ATAD2: variants seen among roughly 807,000 people sequenced by gnomAD.
ATAD2 encodes the protein ATPase family AAA domain containing 2.
Under a neutral mutation model 168.9 loss-of-function variants are expected in ATAD2, and 62 were observed. The ratio of observed to expected loss-of-function variants is 0.37; its 90% confidence interval spans 0.30 to 0.45. The LOEUF is 0.45. ATAD2 is among the 20% of genes least tolerant of loss of function. The pLI, the probability that ATAD2 is intolerant of heterozygous loss-of-function variation, is 1.00. For missense variants in ATAD2, 1,419 were observed against 1,667.8 expected (o/e 0.85, Z 2.60); for synonymous variants, 613 against 571.6 (o/e 1.07, Z -1.03).
intron 24 of ATAD2, among the ~76,000 whole-genome samples, chr8:123,333,366 C>T (rs577807595): frequency 4.8e-4 from 66 of 137,834 alleles, no homozygotes; most frequent in African/African-American, 1.7e-3. Context: ...GCCGAGATCG[C>T]ACCACTGCAC....
At position 123,369,903 on chromosome 8, in the gene ATAD2, TTCATCTTCA is replaced by T. The variant is rs768368419; in HGVS notation, c.840_848del (p.Asp280_Asp282del). ...TCTGATTCTCTTCTTCTCCATCTTC[TTCATCTTCA>T]TCATCTTCATCATCATCATCATCAT... On this transcript the variant is annotated inframe_deletion, in exon 7 of 28. Coordinates refer to ENST00000287394, the MANE Select transcript of ATAD2 (RefSeq NM_014109.4). The T allele has an allele frequency of 2.1e-4, 333 of 1,602,548 alleles. No individual in the cohort carries two copies. The highest frequency in any genetic ancestry group is 5.9e-4 in the South Asian group (54 of 90,834).
Position 123,359,652 on chromosome 8 carries a change from T to C in ATAD2, c.1191A>G (p.Leu397=). The change falls in exon 10 of 28, where the codon TTA becomes TTG. Residue 397 remains leucine (L), a synonymous_variant. Coordinates refer to ENST00000287394, the MANE Select transcript of ATAD2 (RefSeq NM_014109.4). The stretch of plus-strand genomic sequence containing the variant: ...TCATTCGATCTTTATAAATGCCTTT[T>C]AATTCATCTTTCCGAAAATTTAGTG... ...CLPLNFRKDE[L]KGIYKDRMKI... The C allele has an allele frequency of 6.2e-7, 1 of 1,613,136 alleles. No homozygotes were observed. The highest frequency in any genetic ancestry group is 8.5e-7 in the Non-Finnish European group (1 of 1,179,746).
intron 2 of ATAD2, among the ~76,000 whole-genome samples, chr8:123,375,212 GGA>G (rs1829269700): frequency 6.6e-6 from 1 of 152,166 alleles, no homozygotes; most frequent in African/African-American, 2.4e-5. Context: ...CTGAATGTAG[GGA>G]GAGGATTTTT....
chr8:123,329,746 C>CAAAAAAA (rs68104102), intron 24 of ATAD2, among the ~76,000 whole-genome samples: 1 of 84,386 alleles, frequency 1.2e-5, no homozygotes, highest in Non-Finnish European at 2.1e-5. Flanking sequence ...AACTCCGTCT[C>CAAAAAAA]AAAAAAAAAA....
At chr8:123,405,883 T>C (rs1813062305) in intron 1 of ATAD2, among the ~76,000 whole-genome samples, 1 of 152,224 alleles carries the variant, frequency 6.6e-6, no homozygotes, top group East Asian at 1.9e-4. Context: ...CTACATTGTA[T>C]CTGTAGAATA....
At chr8:123,380,200 C>T (rs1166023339) in intron 2 of ATAD2, among the ~76,000 whole-genome samples, 8 of 152,012 alleles carry the variant, frequency 5.3e-5, no homozygotes, top group African/African-American at 1.7e-4. Context: ...TACAGGCGCC[C>T]GCCACTACAC....
At chr8:123,415,571 A>G (rs181668130) in intron 1 of ATAD2, among the ~76,000 whole-genome samples, 4 of 151,712 alleles carry the variant, frequency 2.6e-5, no homozygotes, top group South Asian at 2.1e-4. Context: ...CCTGATATTA[A>G]TATCATTCAT....
intron 20 of ATAD2, among the ~76,000 whole-genome samples, chr8:123,338,527 C>T (rs1230690655): frequency 6.6e-6 from 1 of 151,824 alleles, no homozygotes; most frequent in African/African-American, 2.4e-5. Flanking sequence ...AATAGATATC[C>T]AATGAGTACT....
intron 25 of ATAD2, 112 bp from the exon 26 acceptor site, chr8:123,326,138 G>A: frequency 8.8e-7 from 1 of 1,133,946 alleles, no homozygotes; most frequent in South Asian, 1.6e-5. Context: ...GACATAAACA[G>A]CAATTCTGGC....
intron 8 of ATAD2, among the ~76,000 whole-genome samples, chr8:123,364,778 A>G (rs1237987362): frequency 6.6e-6 from 1 of 152,162 alleles, no homozygotes; most frequent in Non-Finnish European, 1.5e-5. Context: ...ACACACTTCA[A>G]TGTAATAAAA....
chr8:123,373,226 G>T (rs955507556), intron 2 of ATAD2, among the ~76,000 whole-genome samples: 17 of 141,618 alleles, frequency 1.2e-4, no homozygotes, highest in African/African-American at 2.1e-4. Flanking sequence ...GAGATGGGGC[G>T]GGGGGGGTCT....
intron 27 of ATAD2, among the ~76,000 whole-genome samples, chr8:123,322,534 T>C (rs1586851131): frequency 6.6e-6 from 1 of 152,154 alleles, no homozygotes; most frequent in East Asian, 1.9e-4. Flanking sequence ...CTGGGCATGA[T>C]GGCAGGTGCC....
upstream of ATAD2, chr8:123,401,249 C>A: frequency 1.0e-6 from 1 of 952,904 alleles, no homozygotes; most frequent in Middle Eastern, 2.7e-4. Context: ...ATTGCCCTCA[C>A]CGACCTGAAG....
Position 123,347,155 on chromosome 8 carries a change from A to C in ATAD2, c.2149T>G (p.Leu717Val), listed in dbSNP as rs765777230. Residue 717 changes from leucine (L) to valine (V), a missense_variant, in exon 16 of 28, where the codon TTA becomes GTA. By Grantham distance (32) the Leu-to-Val change is conservative. Transcript: ENST00000287394. ...GGAAATACTCTCTGCAGGGCTTCTAAAATCTTGTCAACAGTGTTTTGCAGG... is the reference window on the plus strand; with the variant it reads ...GGAAATACTCTCTGCAGGGCTTCTACAATCTTGTCAACAGTGTTTTGCAGG... ...PLLQNTVDKI[L>V]EALQRVFPHA... 1 of 1,614,212 alleles carries C rather than the reference A, an allele frequency of 6.2e-7. No homozygotes were observed. Among genetic ancestry groups the C allele is most frequent in the Non-Finnish European group, 8.5e-7 (1 of 1,180,036 alleles).
intron 24 of ATAD2, among the ~76,000 whole-genome samples, chr8:123,331,738 C>T (rs1295456555): frequency 6.6e-6 from 1 of 152,160 alleles, no homozygotes; most frequent in Non-Finnish European, 1.5e-5. Flanking sequence ...TGGTGTTACT[C>T]AAGATTTTTT....
At chr8:123,336,251 T>A in intron 22 of ATAD2, 122 bp downstream of exon 22, 1 of 852,880 alleles carries the variant, frequency 1.2e-6, no homozygotes, top group Non-Finnish European at 1.7e-6. Flanking sequence ...GTAAAATGGT[T>A]GTTGTGAGGA....
intron 19 of ATAD2, among the ~76,000 whole-genome samples, chr8:123,341,503 C>T (rs1485682001): frequency 6.6e-6 from 1 of 152,180 alleles, no homozygotes; most frequent in Non-Finnish European, 1.5e-5. Context: ...AATCAGAACA[C>T]TGCTAGAGTA....
Position 123,357,582 on chromosome 8 carries a change from G to A in ATAD2, c.1537C>T (p.Leu513=). Residue 513 remains leucine (L), a synonymous_variant, in exon 12 of 28, where the codon CTA becomes TTA. Coordinates refer to ENST00000287394, the MANE Select transcript of ATAD2 (RefSeq NM_014109.4). ...CATACCTGATCAAACAGCAATCGTA[G>A]CTGTCTTTCAGATTCTCCTACCCAT... ...SKWVGESERQ[L]RLLFDQAYQM... The A allele has an allele frequency of 6.2e-7, 1 of 1,613,112 alleles. No homozygotes were observed. Among genetic ancestry groups the A allele is most frequent in the Non-Finnish European group, 8.5e-7 (1 of 1,179,718 alleles).
chr8:123,369,903 T>TTCATCTTCATCATCTTCATCATCA lies in ATAD2; in HGVS notation c.825_848dup (p.Asp275_Asp282dup). On this transcript the variant is annotated inframe_insertion, in exon 7 of 28. Transcript: ENST00000287394. ...TCTGATTCTCTTCTTCTCCATCTTC[T>TTCATCTTCATCATCTTCATCATCA]TCATCTTCATCATCTTCATCATCAT... 2 of 1,602,558 alleles carry TTCATCTTCATCATCTTCATCATCA rather than the reference T, an allele frequency of 1.2e-6. No homozygotes were observed. The highest frequency in any genetic ancestry group is 1.7e-6 in the Non-Finnish European group (2 of 1,174,652).
Sources: gnomAD v4.1 joint callset for allele counts (sites outside exome capture counted in the v4.1 genomes callset) on GRCh38, gnomAD v4.1.1 for gene constraint, MANE v1.5 for transcripts, NCBI Gene and HGNC (gene_info 2026-07-23, HGNC 2026-07-21) for gene names.